MYOM1: variants seen among roughly 807,000 people sequenced by gnomAD.
MYOM1 encodes the protein myomesin 1, also known as myomesin-1.
In MYOM1, 164 loss-of-function variants were observed where a neutral mutation model predicts 205.3. The observed-to-expected ratio is 0.80, with a 90% CI of 0.70 to 0.91. MYOM1 has a LOEUF of 0.91. MYOM1 is among the 40% of genes least tolerant of loss of function. MYOM1 has a pLI of 0.00. For missense variants in MYOM1, 2,011 were observed against 2,127.3 expected (o/e 0.95, Z 1.08); for synonymous variants, 772 against 789.4 (o/e 0.98, Z 0.37).
chr18:3,143,082 A>G (rs1316289364), intron 13 of MYOM1, among the ~76,000 whole-genome samples: 1 of 152,216 alleles, frequency 6.6e-6, no homozygotes, highest in Non-Finnish European at 1.5e-5. Flanking sequence ...AAGCTACACA[A>G]TGCATATCAT....
chr18:3,069,770 ACT>A (rs1041017141), intron 37 of MYOM1, among the ~76,000 whole-genome samples: 1 of 152,054 alleles, frequency 6.6e-6, no homozygotes, highest in Non-Finnish European at 1.5e-5. Flanking sequence ...ATCATGGAAA[ACT>A]CTTATCCACA....
chr18:3,154,386 A>G (rs531356301), intron 11 of MYOM1, among the ~76,000 whole-genome samples: 1 of 152,132 alleles, frequency 6.6e-6, no homozygotes, highest in South Asian at 2.1e-4. Context: ...CAAGAATGCT[A>G]TGAATTCGTA....
At chr18:3,134,336 C>T (rs1453266918) in intron 16 of MYOM1, among the ~76,000 whole-genome samples, 1 of 152,170 alleles carries the variant, frequency 6.6e-6, no homozygotes. Flanking sequence ...CCTCCCTCCT[C>T]AGCCTCCTGA....
chr18:3,128,625 T>C (rs1056789263), intron 18 of MYOM1, among the ~76,000 whole-genome samples: 2 of 152,136 alleles, frequency 1.3e-5, no homozygotes, highest in Non-Finnish European at 2.9e-5. Context: ...TCTTTTTTCA[T>C]TTCAAAAAGT....
chr18:3,180,248 T>A (rs528996228), intron 5 of MYOM1, among the ~76,000 whole-genome samples: 50 of 152,348 alleles, frequency 3.3e-4, no homozygotes, highest in African/African-American at 1.2e-3. Context: ...TTTCCCCAGC[T>A]AACAACTTTT....
intron 37 of MYOM1, 72 bp downstream of exon 37, chr18:3,071,762 G>T: frequency 6.8e-7 from 1 of 1,473,470 alleles, no homozygotes; most frequent in Non-Finnish European, 9.3e-7. Context: ...CTTAAAAGAA[G>T]GAACAAAATC....
chr18:3,171,513 C>T (rs1018067246), intron 8 of MYOM1, among the ~76,000 whole-genome samples: 2 of 152,086 alleles, frequency 1.3e-5, no homozygotes, highest in African/African-American at 4.8e-5. Flanking sequence ...GTAGGAGGCA[C>T]CCCAGTTTAA....
At chr18:3,153,560 A>G (rs2080250217) in intron 11 of MYOM1, among the ~76,000 whole-genome samples, 1 of 152,252 alleles carries the variant, frequency 6.6e-6, no homozygotes, top group Non-Finnish European at 1.5e-5. Flanking sequence ...ATCCCCTGGA[A>G]ATGTGCCAAA....
At chr18:3,097,536 G>A (rs141064948) in intron 25 of MYOM1, among the ~76,000 whole-genome samples, 80 of 152,096 alleles carry the variant, frequency 5.3e-4, no homozygotes, top group African/African-American at 1.4e-3. Context: ...TGATCCTCCC[G>A]CCTCAGTCTC....
At chr18:3,146,277 C>T (rs1364849770) in intron 13 of MYOM1, among the ~76,000 whole-genome samples, 5 of 151,914 alleles carry the variant, frequency 3.3e-5, no homozygotes, top group Non-Finnish European at 2.9e-5. Flanking sequence ...ATACCAAAAC[C>T]AAACCAAGAC....
At chr18:3,193,247 C>T (rs1336257977) in intron 3 of MYOM1, among the ~76,000 whole-genome samples, 1 of 151,394 alleles carries the variant, frequency 6.6e-6, no homozygotes, top group East Asian at 1.9e-4. Flanking sequence ...GCACTCCAGC[C>T]TGGGTAACAG....
intron 37 of MYOM1, 120 bp from the exon 38 acceptor site, chr18:3,067,675 G>T: frequency 9.5e-7 from 1 of 1,057,390 alleles, no homozygotes; most frequent in Non-Finnish European, 1.3e-6. Flanking sequence ...AAGCCTCCCG[G>T]ACCAGGGTTT....
At position 3,188,848 on chromosome 18, in the gene MYOM1, TTGGAAACCACAGACTGCC is replaced by T; in HGVS notation, c.653_670del (p.Arg218_Ser223del). The T allele has an allele frequency of 1.1e-5, 18 of 1,613,526 alleles. No homozygotes were observed. The highest frequency in any genetic ancestry group is 1.5e-5 in the Non-Finnish European group (18 of 1,179,796). ...CTGTTGAAGAGCGGATGTGGCCTGT[TTGGAAACCACAGACTGCC>T]TGGATGCCGTGGACTGCCTGGATGC... On this transcript the variant is annotated inframe_deletion, in exon 4 of 38. Coordinates refer to ENST00000356443, the MANE Select transcript of MYOM1 (RefSeq NM_003803.4).
intron 5 of MYOM1, among the ~76,000 whole-genome samples, chr18:3,186,808 G>GA (rs1319949947): frequency 1.6e-5 from 2 of 125,092 alleles, no homozygotes; most frequent in East Asian, 2.2e-4. Flanking sequence ...GAAAGAGAAA[G>GA]AAAGAAAGAA....
intron 34 of MYOM1, among the ~76,000 whole-genome samples, chr18:3,076,929 G>A (rs1249103721): frequency 6.6e-6 from 1 of 151,630 alleles, no homozygotes; most frequent in Non-Finnish European, 1.5e-5. Flanking sequence ...GGCCAGGATG[G>A]TCTCGATCTC....
chr18:3,201,538 A>T (rs961897848), intron 2 of MYOM1, among the ~76,000 whole-genome samples: 3 of 152,228 alleles, frequency 2.0e-5, no homozygotes, highest in African/African-American at 7.2e-5. Flanking sequence ...ACACACATGT[A>T]CATGCACATA....
the MYOM1 span, among the ~76,000 whole-genome samples, chr18:3,228,592 C>T: frequency 6.6e-6 from 1 of 151,988 alleles, no homozygotes; most frequent in South Asian, 2.1e-4. This position sits in a 1 kb window ranked among gnomAD's most constrained non-coding sequence, Gnocchi z 4.5. Flanking sequence ...TTCGAATTTC[C>T]TTTTAACAGT....
At chr18:3,088,250 T>C (rs2079178967) in intron 29 of MYOM1, among the ~76,000 whole-genome samples, 1 of 151,912 alleles carries the variant, frequency 6.6e-6, no homozygotes, top group East Asian at 1.9e-4. Flanking sequence ...AAAGGATAGC[T>C]TATAGGGAGG....
At chr18:3,228,948 A>G in the MYOM1 span, among the ~76,000 whole-genome samples, 2 of 152,248 alleles carry the variant, frequency 1.3e-5, no homozygotes, top group South Asian at 2.1e-4. The surrounding 1 kb of genome is among the most constrained non-coding windows in gnomAD (Gnocchi z 4.5). Flanking sequence ...GGTTCTCACC[A>G]ATGTCCTACC....
Sources: gnomAD v4.1 joint callset for allele counts (sites outside exome capture counted in the v4.1 genomes callset) on GRCh38, gnomAD v4.1.1 for gene constraint, Gnocchi (gnomAD v3.1) non-coding constraint, MANE v1.5 for transcripts, NCBI Gene and HGNC (gene_info 2026-07-23, HGNC 2026-07-21) for gene names.